RNF157: variants seen among roughly 807,000 people sequenced by gnomAD.
RNF157 encodes the protein E3 ubiquitin ligase RNF157.
Under a neutral mutation model 88.3 loss-of-function variants are expected in RNF157, and 55 were observed. That is an observed-to-expected ratio of 0.62 (90% confidence interval 0.50 to 0.78). The LOEUF (loss-of-function observed/expected upper bound fraction) is 0.78, where lower values mean the gene tolerates loss of function less well. RNF157 is among the 30% of genes least tolerant of loss of function. RNF157 has a pLI of 0.00. For missense variants in RNF157, 788 were observed against 860.8 expected (o/e 0.92, Z 1.06); for synonymous variants, 334 against 341.2 (o/e 0.98, Z 0.23).
At chr17:76,226,768 C>T in intron 1 of RNF157, 1 of 1,579,488 alleles carries the variant, frequency 6.3e-7, no homozygotes, top group Non-Finnish European at 8.6e-7. Flanking sequence ...TCAAGTCCCC[C>T]ACCAACACCT....
At chr17:76,185,046 G>A (rs2069256727) in intron 2 of RNF157, among the ~76,000 whole-genome samples, 1 of 152,126 alleles carries the variant, frequency 6.6e-6, no homozygotes, top group South Asian at 2.1e-4. Flanking sequence ...TCATAAAATG[G>A]CATAGATCTT....
intron 1 of RNF157, among the ~76,000 whole-genome samples, chr17:76,222,323 G>C (rs192810273): frequency 1.3e-4 from 19 of 151,500 alleles, no homozygotes; most frequent in Admixed American, 4.6e-4. Context: ...CTCCAGCCTG[G>C]GTGACAGAGC....
intron 2 of RNF157, among the ~76,000 whole-genome samples, chr17:76,197,253 A>T (rs1327693141): frequency 6.6e-6 from 1 of 152,228 alleles, no homozygotes; most frequent in African/African-American, 2.4e-5. Context: ...GTCTTGGTAC[A>T]GGAGGTACAG....
rs1444479378 is a variant in RNF157, at chr17:76,161,489, A to G, written c.1065+46T>C. 4.3e-6 allele frequency: 6 copies of G among 1,395,938 alleles called. No homozygotes were observed. Among genetic ancestry groups the G allele is most frequent in the African/African-American group, 1.4e-5 (1 of 70,506 alleles). 86.5% of individuals were successfully genotyped at this position (1,395,938 alleles called of 1,614,324 possible). A position where few individuals can be genotyped will look rare whatever the true frequency, so the allele number is the denominator to read the frequency against. ...AAGCATGAAAAGTTTAAAAAAGCCA[A>G]TGAGGCATTTGCTTCAGAGGGGCCG... On this transcript the variant is annotated intron_variant, in intron 11 of 18. Coordinates refer to ENST00000269391, the MANE Select transcript of RNF157 (RefSeq NM_052916.3). This position sits in a 1 kb window ranked among gnomAD's most constrained non-coding sequence, Gnocchi z 4.6.
intron 1 of RNF157, among the ~76,000 whole-genome samples, chr17:76,225,033 A>T (rs1182731400): frequency 6.6e-6 from 1 of 152,062 alleles, no homozygotes; most frequent in Non-Finnish European, 1.5e-5. Flanking sequence ...TTAGCCGGGT[A>T]TGGTGGCGGG....
intron 1 of RNF157, among the ~76,000 whole-genome samples, chr17:76,239,753 C>T (rs1193355017): frequency 6.6e-6 from 1 of 152,176 alleles, no homozygotes; most frequent in African/African-American, 2.4e-5. Context: ...CCCTCGGACC[C>T]CGCGAGGCAG....
chr17:76,205,128 CTTTTCTTT>C (rs2069657925), intron 2 of RNF157, among the ~76,000 whole-genome samples: 1 of 150,882 alleles, frequency 6.6e-6, no homozygotes, highest in Non-Finnish European at 1.5e-5. Flanking sequence ...TTCCTCTTTT[CTTTTCTTT>C]TTTTCTTTCT....
chr17:76,164,803 G>C lies in RNF157; in HGVS notation c.673-8C>G, dbSNP rs2068897624. The C allele has an allele frequency of 7.5e-6, 12 of 1,606,862 alleles. No individual in the cohort carries two copies. The highest frequency in any genetic ancestry group is 1.0e-5 in the Non-Finnish European group (12 of 1,174,016). ...GAAAGTTCCATCTGTGTGCTGGAAT[G>C]AAAATATGAAAGTTATGACAAGGAA... On this transcript the variant is annotated splice_region_variant and splice_polypyrimidine_tract_variant and intron_variant, in intron 7 of 18. Coordinates refer to ENST00000269391, the MANE Select transcript of RNF157 (RefSeq NM_052916.3).
At chr17:76,228,748 C>A (rs953698634) in intron 1 of RNF157, among the ~76,000 whole-genome samples, 1 of 151,754 alleles carries the variant, frequency 6.6e-6, no homozygotes, top group African/African-American at 2.4e-5. Context: ...CATGGTGAAA[C>A]CCCCTCTCTA....
At chr17:76,237,374 G>A (rs1040465420) in intron 1 of RNF157, among the ~76,000 whole-genome samples, 10 of 152,336 alleles carry the variant, frequency 6.6e-5, no homozygotes, top group African/African-American at 2.4e-4. Context: ...CCAGATAGTG[G>A]TCTCAACTTA....
At chr17:76,187,377 G>A (rs1261456911) in intron 2 of RNF157, among the ~76,000 whole-genome samples, 1 of 151,402 alleles carries the variant, frequency 6.6e-6, no homozygotes, top group Non-Finnish European at 1.5e-5. Context: ...TAGAGATGGG[G>A]GTTTCATCAT....
chr17:76,147,411 C>G, intron 18 of RNF157: 1 of 871,370 alleles, frequency 1.1e-6, no homozygotes, highest in South Asian at 5.1e-5. Flanking sequence ...CCGCCGCCGC[C>G]ACCACCAGCA....
At chr17:76,148,098 C>T (rs2068612645) in intron 18 of RNF157, among the ~76,000 whole-genome samples, 1 of 152,054 alleles carries the variant, frequency 6.6e-6, no homozygotes. Flanking sequence ...GTGCAAGTAG[C>T]ATCTTAGTCT....
In RNF157 at chr17:76,198,245, A is replaced by G. The variant is rs183037978; in HGVS notation, c.207+14119T>C. 1.2e-3 allele frequency among the ~76,000 whole-genome samples: 185 copies of G among 152,288 alleles called. 1 individual carries two copies. Among genetic ancestry groups the G allele is most frequent in the African/African-American group, 4.2e-3 (174 of 41,562 alleles). On this transcript the variant is annotated intron_variant, in intron 2 of 18. Transcript: ENST00000269391. Reference sequence around the variant, plus strand: ...GGGAGGGGTTCCTGAGGGTGTTGGAATACAAAGTTGGATGAGGGAGAGCCT... The same window carrying G: ...GGGAGGGGTTCCTGAGGGTGTTGGAGTACAAAGTTGGATGAGGGAGAGCCT...
chr17:76,217,565 C>T (rs897374310), intron 1 of RNF157, among the ~76,000 whole-genome samples: 2 of 151,742 alleles, frequency 1.3e-5, no homozygotes, highest in Non-Finnish European at 2.9e-5. Context: ...ATCAACAGTC[C>T]CCAAACAAGA....
intron 1 of RNF157, among the ~76,000 whole-genome samples, chr17:76,216,161 A>G (rs978385250): frequency 6.6e-6 from 1 of 152,176 alleles, no homozygotes; most frequent in African/African-American, 2.4e-5. Flanking sequence ...AAGGGAGAGA[A>G]GAGAGTTTGA....
chr17:76,234,023 C>T (rs1259553750), intron 1 of RNF157, among the ~76,000 whole-genome samples: 1 of 152,170 alleles, frequency 6.6e-6, no homozygotes, highest in East Asian at 1.9e-4. Context: ...TCCCTCTCCT[C>T]AGCCTCTGGC....
intron 2 of RNF157, among the ~76,000 whole-genome samples, chr17:76,210,636 C>CA (rs952795770): frequency 2.1e-5 from 3 of 140,528 alleles, no homozygotes; most frequent in East Asian, 4.3e-4. Flanking sequence ...CAATGAAAAC[C>CA]AAAAAAATAA....
chr17:76,169,139 G>A (rs2068973582), intron 3 of RNF157, among the ~76,000 whole-genome samples: 1 of 152,066 alleles, frequency 6.6e-6, no homozygotes, highest in Non-Finnish European at 1.5e-5. Flanking sequence ...CCCGTTAGTT[G>A]GATGTCAGAC....
Sources: allele counts gnomAD v4.1 joint callset (sites outside exome capture counted in the v4.1 genomes callset), GRCh38; gene constraint gnomAD v4.1.1; non-coding constraint Gnocchi (gnomAD v3.1); transcripts MANE v1.5; gene names NCBI Gene and HGNC (gene_info 2026-07-23, HGNC 2026-07-21).